The following QKI variants were observed in gnomAD, a reference collection of about 807,000 sequenced individuals.
The protein encoded by QKI is KH domain-containing RNA-binding protein QKI.
In QKI, 10 loss-of-function variants were observed where a neutral mutation model predicts 39.0. The observed-to-expected ratio is 0.26, with a 90% confidence interval of 0.16 to 0.43. The LOEUF is 0.43. Among genes scored for constraint, QKI ranks in the 20% least tolerant of loss-of-function variants. The pLI is 1.00. For missense variants in QKI, 218 were observed against 428.0 expected, an observed-to-expected ratio of 0.51 and a Z score of 4.33; for synonymous variants, 204 against 155.4, an observed-to-expected ratio of 1.31 and a Z score of -2.33.
chr6:163,476,474 G>A (rs890546127), intron 2 of QKI, among the ~76,000 whole-genome samples: 3 of 152,054 alleles, frequency 2.0e-5, no homozygotes, highest in Admixed American at 6.6e-5. Context: ...AGAGCTGTCC[G>A]CTGCCAACCT....
intron 1 of QKI, among the ~76,000 whole-genome samples, chr6:163,426,288 C>T (rs988780712): frequency 1.2e-4 from 18 of 148,342 alleles, no homozygotes; most frequent in African/African-American, 4.5e-4. Flanking sequence ...TTGTTCAGGG[C>T]TTGTTCCTTT....
intron 4 of QKI, among the ~76,000 whole-genome samples, chr6:163,545,416 A>C (rs1353191282): frequency 6.6e-6 from 1 of 152,130 alleles, no homozygotes; most frequent in African/African-American, 2.4e-5. Flanking sequence ...AAGTTTGCCA[A>C]GGTATAGGTT....
intron 3 of QKI, among the ~76,000 whole-genome samples, chr6:163,486,161 TGTA>T (rs1777664043): frequency 6.6e-6 from 1 of 152,162 alleles, no homozygotes; most frequent in Non-Finnish European, 1.5e-5. Flanking sequence ...CTTAAAGAAG[TGTA>T]GTAACCCACC....
chr6:163,439,281 AATTT>A (rs1195354147), intron 1 of QKI, among the ~76,000 whole-genome samples: 1 of 151,788 alleles, frequency 6.6e-6, no homozygotes, highest in Non-Finnish European at 1.5e-5. Flanking sequence ...CAAGCGAAAG[AATTT>A]ATTCTATCAA....
chr6:163,520,717 A>C (rs1349598199), intron 3 of QKI, among the ~76,000 whole-genome samples: 5 of 152,172 alleles, frequency 3.3e-5, no homozygotes. Context: ...TTGAATGTAC[A>C]TGTCAGTCTT....
chr6:163,445,397 G>A (rs1293721732), intron 1 of QKI, among the ~76,000 whole-genome samples: 2 of 106,650 alleles, frequency 1.9e-5, no homozygotes, highest in East Asian at 3.9e-4. Context: ...ATTGTATTTA[G>A]TAGTGATGTC....
chr6:163,558,322 G>A (rs941882751), intron 4 of QKI, among the ~76,000 whole-genome samples: 1 of 151,922 alleles, frequency 6.6e-6, no homozygotes, highest in Non-Finnish European at 1.5e-5. Context: ...GTCAAAACCA[G>A]GACAGTAACA....
intron 4 of QKI, among the ~76,000 whole-genome samples, chr6:163,541,498 C>T (rs957368209): frequency 4.2e-5 from 6 of 142,448 alleles, no homozygotes; most frequent in South Asian, 2.2e-4. Context: ...TATGTCTACC[C>T]TTTTTTTTTT....
Position 163,426,245 on chromosome 6 carries a change from T to C in QKI, c.142+10910T>C, listed in dbSNP as rs561650315. On this transcript the variant is annotated intron_variant, in intron 1 of 7. Coordinates refer to ENST00000361752, the MANE Select transcript of QKI (RefSeq NM_006775.3). ...CCTTTTTAAATCTAGAACCATCTCT[T>C]TTTTTTTTTTTTTCAAATGACATTG... Among the ~76,000 whole-genome samples the C allele has an allele frequency of 2.8e-3, 423 of 148,560 alleles. 4 individuals are homozygous for C. The highest frequency in any genetic ancestry group is 9.7e-3 in the African/African-American group (393 of 40,522).
intron 3 of QKI, among the ~76,000 whole-genome samples, chr6:163,488,425 TACAC>T (rs1047678754): frequency 1.3e-5 from 2 of 152,202 alleles, no homozygotes; most frequent in South Asian, 2.1e-4. Flanking sequence ...AGCTGTGAAA[TACAC>T]ACGAATATTT....
At chr6:163,427,499 T>C (rs984149419) in intron 1 of QKI, among the ~76,000 whole-genome samples, 1 of 152,098 alleles carries the variant, frequency 6.6e-6, no homozygotes, top group African/African-American at 2.4e-5. Context: ...GGGTCCTCAT[T>C]CTGTGTATAC....
intron 1 of QKI, among the ~76,000 whole-genome samples, chr6:163,427,700 T>A (rs1788523443): frequency 6.6e-6 from 1 of 152,094 alleles, no homozygotes; most frequent in South Asian, 2.1e-4. Flanking sequence ...CGTGTGTGTG[T>A]GATGGCAATA....
chr6:163,562,380 A>G (rs1783086994), intron 5 of QKI, among the ~76,000 whole-genome samples: 1 of 152,218 alleles, frequency 6.6e-6, no homozygotes. Flanking sequence ...TAGGGCTTGC[A>G]GCTTATCTTG....
At chr6:163,566,858 C>T in intron 7 of QKI, 63 bp downstream of exon 7, 1 of 1,581,388 alleles carries the variant, frequency 6.3e-7, no homozygotes. Flanking sequence ...AAATTTGCAA[C>T]ACCACACCTG....
At chr6:163,509,804 A>G (rs954693035) in intron 3 of QKI, among the ~76,000 whole-genome samples, 32 of 152,194 alleles carry the variant, frequency 2.1e-4, no homozygotes, top group African/African-American at 6.3e-4. Flanking sequence ...CAAATAGAAA[A>G]ACAGTAGTAA....
rs1790394728 is a variant in QKI, at chr6:163,449,554, T to G, written c.143-5725T>G. 2.6e-5 allele frequency among the ~76,000 whole-genome samples: 4 copies of G among 152,338 alleles called. 1 individual carries two copies. The South Asian group carries it at 8.3e-4, about 32-fold the overall frequency. On this transcript the variant is annotated intron_variant, in intron 1 of 7. Coordinates refer to ENST00000361752, the MANE Select transcript of QKI (RefSeq NM_006775.3). ...AAGATGCATTTTATGTGAGTTTTTC[T>G]TCAGTGTTTTAAAACTGTTTTGTTT... is the stretch of plus-strand genomic sequence containing the variant.
intron 3 of QKI, among the ~76,000 whole-genome samples, chr6:163,502,709 A>G (rs1778848984): frequency 6.6e-6 from 1 of 152,200 alleles, no homozygotes; most frequent in Non-Finnish European, 1.5e-5. Context: ...ATTTGGTGGT[A>G]TTCCATGGTA....
At chr6:163,489,824 T>C (rs558537666) in intron 3 of QKI, among the ~76,000 whole-genome samples, 11 of 152,282 alleles carry the variant, frequency 7.2e-5, no homozygotes, top group East Asian at 1.9e-4. Flanking sequence ...TAACCACATA[T>C]AATTTTTATG....
chr6:163,445,460 A>G (rs530029931), intron 1 of QKI, among the ~76,000 whole-genome samples: 1 of 152,148 alleles, frequency 6.6e-6, no homozygotes, highest in African/African-American at 2.4e-5. Context: ...TGACCTTGAC[A>G]CTTTTGAAGA....
Sources: allele counts gnomAD v4.1 joint callset (sites outside exome capture counted in the v4.1 genomes callset), GRCh38; gene constraint gnomAD v4.1.1; transcripts MANE v1.5; gene names NCBI Gene and HGNC (gene_info 2026-07-23, HGNC 2026-07-21).